LUZP2: variants seen among roughly 807,000 people sequenced by gnomAD.
The protein encoded by LUZP2 is leucine zipper protein 2.
Under a neutral mutation model 51.6 loss-of-function variants are expected in LUZP2, and 52 were observed. The ratio of observed to expected loss-of-function variants is 1.01; its 90% confidence interval spans 0.81 to 1.27. The LOEUF (loss-of-function observed/expected upper bound fraction) is 1.27, where lower values mean the gene tolerates loss of function less well. Among genes scored for constraint, LUZP2 ranks in the 50% most tolerant of loss-of-function variants. The pLI, the probability that LUZP2 is intolerant of heterozygous loss-of-function variation, is 0.00. For missense variants in LUZP2, 436 were observed against 395.4 expected (o/e 1.10, Z -0.87); for synonymous variants, 154 against 137.3 (o/e 1.12, Z -0.85).
intron 1 of LUZP2, among the ~76,000 whole-genome samples, chr11:24,511,763 C>G (rs1303746054): frequency 6.6e-6 from 1 of 152,066 alleles, no homozygotes; most frequent in African/African-American, 2.4e-5. Context: ...TAATTCATAC[C>G]TTTTGCTTTG....
At chr11:24,889,180 G>T (rs1852768599) in intron 5 of LUZP2, among the ~76,000 whole-genome samples, 1 of 152,084 alleles carries the variant, frequency 6.6e-6, no homozygotes, top group Non-Finnish European at 1.5e-5. Context: ...TATAAATTTG[G>T]TTACTTGAAT....
intron 10 of LUZP2, among the ~76,000 whole-genome samples, chr11:25,070,716 CATG>C (rs1379898176): frequency 1.3e-5 from 2 of 150,516 alleles, no homozygotes; most frequent in Admixed American, 6.6e-5. Flanking sequence ...GTTTCAGATA[CATG>C]ATAAGTTCAT....
chr11:24,788,867 G>C (rs974138461), intron 5 of LUZP2, among the ~76,000 whole-genome samples: 25 of 151,948 alleles, frequency 1.6e-4, no homozygotes, highest in African/African-American at 6.0e-4. Flanking sequence ...TGAATGCTTG[G>C]ACAAGGCCCA....
chr11:24,958,550 T>A (rs1199366395), intron 7 of LUZP2, among the ~76,000 whole-genome samples: 2 of 152,136 alleles, frequency 1.3e-5, no homozygotes, highest in African/African-American at 4.8e-5. Context: ...ATAAATGTCT[T>A]CTTTTGAGAA....
rs760441094 is a variant in LUZP2, at chr11:24,738,265, A to G, written c.296A>G (p.Lys99Arg). The change falls in exon 4 of 12, where the codon AAG (lysine) becomes AGG (arginine). Residue 99 changes from lysine (K) to arginine (R), a missense_variant. Coordinates refer to ENST00000336930, the MANE Select transcript of LUZP2 (RefSeq NM_001009909.4). ...CAGGAGGCCCTGCAAAATCAGCTTAAGGAGACATCAGAGAAAGCAGAAAAA... is the reference window on the plus strand; with the variant it reads ...CAGGAGGCCCTGCAAAATCAGCTTAGGGAGACATCAGAGAAAGCAGAAAAA... ...SLQEALQNQLKETSEKAEKHQ... is the reference protein window; with the variant it reads ...SLQEALQNQLRETSEKAEKHQ... 6.2e-7 allele frequency: 1 copy of G among 1,612,674 alleles called. No individual in the cohort carries two copies. The highest frequency in any genetic ancestry group is 2.2e-5 in the East Asian group (1 of 44,836).
At chr11:24,570,360 T>C (rs2133798490) in intron 1 of LUZP2, among the ~76,000 whole-genome samples, 1 of 151,986 alleles carries the variant, frequency 6.6e-6, no homozygotes, top group East Asian at 1.9e-4. Flanking sequence ...TTTGCACCAG[T>C]CATGGCTCAG....
chr11:24,923,990 C>T (rs1488676914), intron 7 of LUZP2, among the ~76,000 whole-genome samples: 1 of 152,018 alleles, frequency 6.6e-6, no homozygotes, highest in East Asian at 1.9e-4. Flanking sequence ...TCTCTTTCTT[C>T]GTTTAAAATA....
intron 1 of LUZP2, among the ~76,000 whole-genome samples, chr11:24,568,369 A>AC (rs988826773): frequency 6.6e-6 from 1 of 151,828 alleles, no homozygotes; most frequent in Non-Finnish European, 1.5e-5. Context: ...AAAAAAAAAA[A>AC]AAAAGGACTA....
At chr11:24,776,886 C>T (rs1359820507) in intron 5 of LUZP2, among the ~76,000 whole-genome samples, 1 of 152,118 alleles carries the variant, frequency 6.6e-6, no homozygotes, top group East Asian at 1.9e-4. Context: ...ACTTGACACC[C>T]ACCTTTGTGC....
intron 9 of LUZP2, among the ~76,000 whole-genome samples, chr11:25,031,029 T>TGAGACAGAGTCTCACTCTG (rs1857669837): frequency 1.1e-5 from 1 of 94,672 alleles, no homozygotes; most frequent in Non-Finnish European, 2.1e-5. Context: ...TTTTTTTTTT[T>TGAGACAGAGTCTCACTCTG]TGAGACAGAG....
At chr11:25,014,696 A>T (rs1036029772) in intron 9 of LUZP2, among the ~76,000 whole-genome samples, 1 of 152,144 alleles carries the variant, frequency 6.6e-6, no homozygotes, top group African/African-American at 2.4e-5. Context: ...CCCATTCTGT[A>T]GGTTACCTGT....
intron 9 of LUZP2, among the ~76,000 whole-genome samples, chr11:25,011,961 G>GT (rs756449520): frequency 1.3e-5 from 2 of 151,992 alleles, no homozygotes; most frequent in Non-Finnish European, 2.9e-5. Flanking sequence ...AATGGAGATG[G>GT]TTAATAACAG....
chr11:24,581,239 C>A lies in LUZP2; in HGVS notation c.62+83934C>A, dbSNP rs554758993. ...AATTCTCCCCACTTATTATTGAATA[C>A]AATCCTGTCATAAAAAGAACAAACA... On this transcript the variant is annotated intron_variant, in intron 1 of 11. Coordinates refer to ENST00000336930, the MANE Select transcript of LUZP2 (RefSeq NM_001009909.4). Among the ~76,000 whole-genome samples, 12 of 149,252 alleles carry A rather than the reference C, an allele frequency of 8.0e-5. No homozygotes were observed. The South Asian group carries it at 2.3e-3, about 29-fold the overall frequency.
chr11:24,512,905 A>G (rs7930719), intron 1 of LUZP2, among the ~76,000 whole-genome samples: 19,276 of 151,906 alleles, frequency 0.13, 1,537 homozygotes, highest in African/African-American at 0.23. Context: ...ACATGCTGCC[A>G]CGCCCAGCTA....
At chr11:24,521,378 G>C (rs1169931970) in intron 1 of LUZP2, among the ~76,000 whole-genome samples, 1 of 150,724 alleles carries the variant, frequency 6.6e-6, no homozygotes, top group African/African-American at 2.4e-5. Context: ...AGGTGGGGGT[G>C]GGGTGGGGTA....
intron 1 of LUZP2, among the ~76,000 whole-genome samples, chr11:24,585,690 A>G (rs1313480262): frequency 6.6e-6 from 1 of 152,120 alleles, no homozygotes; most frequent in Non-Finnish European, 1.5e-5. Flanking sequence ...ACATTTCTTA[A>G]GAGACCTTGT....
chr11:24,725,450 A>G (rs950058415), intron 1 of LUZP2, among the ~76,000 whole-genome samples: 5 of 152,224 alleles, frequency 3.3e-5, no homozygotes, highest in South Asian at 2.1e-4. Flanking sequence ...ACAAAAATCA[A>G]TTGGGTAGTT....
chr11:24,963,693 G>A (rs1855490739), intron 7 of LUZP2, among the ~76,000 whole-genome samples: 1 of 152,126 alleles, frequency 6.6e-6, no homozygotes, highest in Non-Finnish European at 1.5e-5. Flanking sequence ...CTAGGAAAGG[G>A]AACTCCTTGA....
At chr11:25,010,322 G>T (rs964681009) in intron 9 of LUZP2, among the ~76,000 whole-genome samples, 1 of 152,160 alleles carries the variant, frequency 6.6e-6, no homozygotes, top group Admixed American at 6.5e-5. Flanking sequence ...GGGAGGCTGA[G>T]GCAGGCGGAT....
Sources: allele counts gnomAD v4.1 joint callset (sites outside exome capture counted in the v4.1 genomes callset), GRCh38; gene constraint gnomAD v4.1.1; transcripts MANE v1.5; gene names NCBI Gene and HGNC (gene_info 2026-07-23, HGNC 2026-07-21).